EFCAB5: variants seen among roughly 807,000 people sequenced by gnomAD.
The protein encoded by EFCAB5 is EF-hand calcium binding domain 5.
A neutral mutation model predicts 167.9 loss-of-function variants in EFCAB5; 131 were observed. The ratio of observed to expected loss-of-function variants is 0.78; its 90% CI spans 0.68 to 0.90. The LOEUF (loss-of-function observed/expected upper bound fraction) is 0.90. Ranked by LOEUF, EFCAB5 falls within the 40% of genes least tolerant of loss-of-function variation. The pLI is 0.00. For synonymous variants in EFCAB5, 574 were observed against 602.8 expected (o/e 0.95, Z 0.70); for missense variants, 1,663 against 1,745.2 (o/e 0.95, Z 0.84).
At chr17:30,036,145 TATATA>T (rs1243748348) in intron 8 of EFCAB5, among the ~76,000 whole-genome samples, 6 of 142,452 alleles carry the variant, frequency 4.2e-5, no homozygotes, top group East Asian at 2.0e-4. Context: ...CTATATATAA[TATATA>T]ATATATTATT....
At chr17:30,002,234 TAC>T (rs1205164360) in intron 7 of EFCAB5, among the ~76,000 whole-genome samples, 1 of 152,180 alleles carries the variant, frequency 6.6e-6, no homozygotes, top group African/African-American at 2.4e-5. Context: ...GCAAAGATAG[TAC>T]AGAGAGGTCC....
Position 30,053,273 on chromosome 17 carries a change from A to T in EFCAB5, c.1319A>T (p.Glu440Val). The change falls in exon 10 of 23, where the codon GAA (glutamate) becomes GTA (valine). Residue 440 changes from glutamate (E) to valine (V), a missense_variant. Glu to Val is a moderately radical substitution (Grantham distance 121). Coordinates refer to ENST00000394835, the MANE Select transcript of EFCAB5 (RefSeq NM_198529.4). ...NPRQWPFIEF[E>V]EINLTELWGD... is the part of the protein sequence containing the mutation. ...GCATTAGGGCCATTCATTGAATTTG[A>T]AGAGATAAACTTGACTGAGTTGTGG... 6.2e-7 allele frequency: 1 copy of T among 1,603,684 alleles called. No individual in the cohort carries two copies. The highest frequency in any genetic ancestry group is 8.5e-7 in the Non-Finnish European group (1 of 1,174,444).
chr17:30,040,476 A>T (rs2069740530), intron 8 of EFCAB5, among the ~76,000 whole-genome samples: 1 of 152,192 alleles, frequency 6.6e-6, no homozygotes, highest in Non-Finnish European at 1.5e-5. Context: ...TCTAGTTCAG[A>T]TGGCTACCCT....
At chr17:30,079,304 G>A (rs1329468660) in intron 15 of EFCAB5, among the ~76,000 whole-genome samples, 4 of 152,060 alleles carry the variant, frequency 2.6e-5, no homozygotes, top group East Asian at 1.9e-4. Context: ...GAGAAATCTC[G>A]CTACATATTT....
chr17:29,941,090 A>G (rs774414687), upstream of EFCAB5, among the ~76,000 whole-genome samples: 4 of 152,056 alleles, frequency 2.6e-5, no homozygotes, highest in Non-Finnish European at 4.4e-5. Flanking sequence ...TTAGATACAT[A>G]CTATTTCAAA....
intron 7 of EFCAB5, among the ~76,000 whole-genome samples, chr17:30,015,995 T>C (rs1272038240): frequency 6.6e-6 from 1 of 152,192 alleles, no homozygotes; most frequent in Non-Finnish European, 1.5e-5. Context: ...GCCAGGCTGG[T>C]CTCAAACTCC....
intron 19 of EFCAB5, 80 bp from the exon 20 acceptor site, chr17:30,090,341 A>C: frequency 6.5e-7 from 1 of 1,529,024 alleles, no homozygotes; most frequent in South Asian, 1.3e-5. Context: ...GGCACAAGAG[A>C]GTAATTCAAT....
At chr17:30,107,612 T>C (rs995443233) in intron 22 of EFCAB5, among the ~76,000 whole-genome samples, 3 of 152,206 alleles carry the variant, frequency 2.0e-5, no homozygotes, top group Non-Finnish European at 2.9e-5. Context: ...TATTCATGAA[T>C]ACAAATAACT....
At chr17:29,969,463 T>C in intron 4 of EFCAB5, 96 bp downstream of exon 4, 1 of 1,094,284 alleles carries the variant, frequency 9.1e-7, no homozygotes, top group Non-Finnish European at 1.3e-6. Flanking sequence ...TTAAAACAAG[T>C]GATTCTACAG....
In EFCAB5 at chr17:29,944,627, GT is replaced by G. The variant is rs1284512064; in HGVS notation, c.190+991del. Among the ~76,000 whole-genome samples, 116 of 141,034 alleles carry G rather than the reference GT, an allele frequency of 8.2e-4. 1 individual carries two copies. Among genetic ancestry groups the G allele is most frequent in the African/African-American group, 2.6e-3 (97 of 38,000 alleles). The allele number at this position is 141,034 out of a possible 152,430, so 92.5% of individuals were successfully genotyped here. ...TTTTTGTTGTTTTCTGTTTTGTTTTGTTTTTTTTTTTTTGAGACGAAGTTTT... is the reference window on the plus strand; with the variant it reads ...TTTTTGTTGTTTTCTGTTTTGTTTTGTTTTTTTTTTTTGAGACGAAGTTTT... On this transcript the variant is annotated intron_variant, in intron 3 of 22. Transcript: ENST00000394835.
chr17:30,104,180 T>C (rs9905950), intron 22 of EFCAB5, among the ~76,000 whole-genome samples: 83,959 of 152,060 alleles, frequency 0.55, 23,860 homozygotes, highest in East Asian at 0.81. Flanking sequence ...TCAACAAATG[T>C]GGCTGATCTT....
rs756215605 is a variant in EFCAB5 at position 29,942,311 on chromosome 17, G to A, written c.105+9G>A. 1.3e-6 allele frequency: 2 copies of A among 1,574,542 alleles called. No individual in the cohort carries two copies. Among genetic ancestry groups the A allele is most frequent in the Non-Finnish European group, 1.7e-6 (2 of 1,160,562 alleles). ...TGAAAGAGCTTCATGAGGTAGAGTT[G>A]GCATGAATAAATCAGATATTAATGC... is the stretch of plus-strand genomic sequence containing the variant. On this transcript the variant is annotated intron_variant, in intron 2 of 22. Coordinates refer to ENST00000394835, the MANE Select transcript of EFCAB5 (RefSeq NM_198529.4).
chr17:30,054,075 T>C lies in EFCAB5; in HGVS notation c.2121T>C (p.Tyr707=), dbSNP rs758066270. 6.3e-7 allele frequency: 1 copy of C among 1,592,214 alleles called. No homozygotes were observed. The highest frequency in any genetic ancestry group is 1.1e-5 in the South Asian group (1 of 88,130). The change falls in exon 10 of 23, where the codon TAT becomes TAC. Residue 707 remains tyrosine, a synonymous_variant. Coordinates refer to ENST00000394835, the MANE Select transcript of EFCAB5 (RefSeq NM_198529.4). ...AAAAGAGGTCTTGGGAACAAACATA[T>C]GAAGAGGAAATATTCCTGAGTTCTG... is the stretch of plus-strand genomic sequence containing the variant. The part of the protein sequence containing the change: ...LQEKRSWEQT[Y]EEEIFLSSEL...
chr17:30,050,046 T>C (rs1242655147), intron 8 of EFCAB5, among the ~76,000 whole-genome samples: 1 of 152,120 alleles, frequency 6.6e-6, no homozygotes, highest in Admixed American at 6.5e-5. Context: ...AAGTATAAAA[T>C]ATATTTCTTT....
intron 5 of EFCAB5, among the ~76,000 whole-genome samples, chr17:29,994,360 A>C (rs374170087): frequency 0.014 from 2,136 of 151,688 alleles, 33 homozygotes; most frequent in South Asian, 0.047. Context: ...GATTCTTTGG[A>C]TGGCCAAAGT....
At chr17:30,034,177 A>C (rs2069554399) in intron 7 of EFCAB5, 53 bp from the exon 8 acceptor site, 2 of 1,580,296 alleles carry the variant, frequency 1.3e-6, no homozygotes, top group Admixed American at 3.5e-5. Flanking sequence ...GGGAAAATCC[A>C]AGTAGAGCAT....
intron 13 of EFCAB5, among the ~76,000 whole-genome samples, chr17:30,058,688 A>G (rs192097390): frequency 1.3e-5 from 2 of 152,266 alleles, no homozygotes; most frequent in African/African-American, 4.8e-5. Context: ...AAACACTGCC[A>G]TTCATTCCCC....
At chr17:30,042,198 G>A (rs765430418) in intron 8 of EFCAB5, among the ~76,000 whole-genome samples, 1 of 151,896 alleles carries the variant, frequency 6.6e-6, no homozygotes, top group Admixed American at 6.6e-5. Flanking sequence ...TAATAGAGAC[G>A]GGGTTTTGCC....
intron 10 of EFCAB5, among the ~76,000 whole-genome samples, chr17:30,054,529 G>A (rs529318745): frequency 1.4e-4 from 21 of 152,066 alleles, no homozygotes; most frequent in Non-Finnish European, 2.4e-4. Flanking sequence ...GCTTTTTTCA[G>A]TTAAATATAA....
Sources: allele counts gnomAD v4.1 joint callset (sites outside exome capture counted in the v4.1 genomes callset), GRCh38; gene constraint gnomAD v4.1.1; transcripts MANE v1.5; gene names NCBI Gene and HGNC (gene_info 2026-07-23, HGNC 2026-07-21).